ARMC5: variants seen among roughly 807,000 people sequenced by gnomAD.
ARMC5 encodes the protein armadillo repeat-containing protein 5.
Under a neutral mutation model 60.5 loss-of-function variants are expected in ARMC5, and 28 were observed. That is an observed-to-expected ratio of 0.46 (90% CI 0.34 to 0.63). ARMC5 has a LOEUF of 0.63. ARMC5 is among the 30% of genes least tolerant of loss of function. ARMC5 has a pLI of 0.01. For missense variants in ARMC5, 1,189 were observed against 1,304.9 expected, an observed-to-expected ratio of 0.91 and a Z score of 1.37; for synonymous variants, 680 against 607.3, an observed-to-expected ratio of 1.12 and a Z score of -1.76.
Position 31,464,809 on chromosome 16 carries a change from C to G in ARMC5, c.1786C>G (p.Leu596Val). Residue 596 changes from leucine to valine, a missense_variant, in exon 4 of 6, where the codon CTG becomes GTG. By Grantham distance (32) the Leu-to-Val change is conservative. Coordinates refer to ENST00000268314, the MANE Select transcript of ARMC5 (RefSeq NM_001105247.2). The surrounding 1 kb of genome is among the most constrained non-coding windows in gnomAD (Gnocchi z 7.6). ...TGGCGCGGCGCTGCTGCGGGCCTGG[C>G]TGGTGCTGGGGGTGGCGCCTGACGA... ...SYGAALLRAW[L>V]VLGVAPDDWP... The G allele has an allele frequency of 6.3e-7, 1 of 1,597,966 alleles. No homozygotes were observed.
In ARMC5 at chr16:31,466,843, T is replaced by C; in HGVS notation, c.2762T>C (p.Leu921Pro). ...EEAGPLTEAL[L>P]AVVMGIELGA... is the part of the protein sequence containing the mutation. Reference sequence around the variant, plus strand: ...GCAGGGCCCCTGACGGAGGCTTTGCTGGCTGTGGTGATGGGGATTGAGTTG... The same window carrying C: ...GCAGGGCCCCTGACGGAGGCTTTGCCGGCTGTGGTGATGGGGATTGAGTTG... The change falls in exon 6 of 6, where the codon CTG becomes CCG. Residue 921 changes from leucine (L) to proline (P), a missense_variant. By Grantham distance (98) the Leu-to-Pro change is moderately conservative. This residue lies in a region of ARMC5 where 862 missense variants were observed against 1,071.2 expected (regional missense o/e 0.80). Coordinates refer to ENST00000268314, the MANE Select transcript of ARMC5 (RefSeq NM_001105247.2). The surrounding 1 kb of genome is among the most constrained non-coding windows in gnomAD (Gnocchi z 8.0). The C allele has an allele frequency of 6.3e-7, 1 of 1,592,398 alleles. No homozygotes were observed. Among genetic ancestry groups the C allele is most frequent in the Non-Finnish European group, 8.5e-7 (1 of 1,170,400 alleles).
At chr16:31,465,705 C>G in intron 4 of ARMC5, 145 bp from the exon 5 acceptor site, 1 of 1,474,808 alleles carries the variant, frequency 6.8e-7, no homozygotes, top group Non-Finnish European at 8.9e-7. Context: ...TTCCCAGCGT[C>G]CCGAGCCCAG....
chr16:31,465,644 C>T (rs981843424), intron 4 of ARMC5: 13 of 1,415,982 alleles, frequency 9.2e-6, no homozygotes, highest in Non-Finnish European at 9.1e-6. Flanking sequence ...TTCAGGGGCC[C>T]AGACTTACAC....
rs1226994639 is a variant in ARMC5 at position 31,459,915 on chromosome 16, T to G, written c.391T>G (p.Leu131Val). Residue 131 changes from leucine (L) to valine (V), a missense_variant, in exon 1 of 6, where the codon TTG becomes GTG. Coordinates refer to ENST00000268314, the MANE Select transcript of ARMC5 (RefSeq NM_001105247.2). ...AGTGCGCCTGCGCAAGACGCTGGAC[T>G]TGGCGCTCAGCATCCTAGCCGATTG... is the stretch of plus-strand genomic sequence containing the variant. ...PPVRLRKTLD[L>V]ALSILADCCT... The G allele has an allele frequency of 1.2e-6, 2 of 1,606,244 alleles. No individual in the cohort carries two copies. Among genetic ancestry groups the G allele is most frequent in the South Asian group, 1.1e-5 (1 of 91,056 alleles).
chr16:31,459,768 T>C lies in ARMC5; in HGVS notation c.244T>C (p.Ser82Pro), dbSNP rs1188833591. The change falls in exon 1 of 6, where the codon TCC becomes CCC. Residue 82 changes from serine to proline, a missense_variant. Physicochemically the swap from Ser to Pro is moderately conservative, Grantham distance 74. Around this residue, in one of 2 missense-constraint regions of ARMC5, gnomAD observed 327 missense variants for 233.7 expected, o/e 1.40. Coordinates refer to ENST00000268314, the MANE Select transcript of ARMC5 (RefSeq NM_001105247.2). ...GCTACGGCGAGCGGCTGCAGCGGGT[T>C]CCGCCCCGTCCCAGGCAGGCCCCGG... The part of the protein sequence containing the change: ...ALLRRAAAAG[S>P]APSQAGPGSA... 1.9e-6 allele frequency: 3 copies of C among 1,538,930 alleles called. No individual in the cohort carries two copies. The highest frequency in any genetic ancestry group is 2.4e-5 in the South Asian group (2 of 84,858).
At chr16:31,460,097 A>G in intron 1 of ARMC5, 98 bp downstream of exon 1, 4 of 1,320,966 alleles carry the variant, frequency 3.0e-6, no homozygotes, top group Non-Finnish European at 4.2e-6. Flanking sequence ...CTATCCCGGA[A>G]TAACGTGCTT....
intron 4 of ARMC5, 188 bp downstream of exon 4, chr16:31,465,075 T>C (rs2082341773): frequency 6.2e-7 from 1 of 1,613,754 alleles, no homozygotes; most frequent in South Asian, 1.1e-5. Flanking sequence ...ACAGGCAGAG[T>C]TCTGCTGTGT....
chr16:31,465,836 CT>C lies in ARMC5; in HGVS notation c.1865-11del, dbSNP rs1567378407. 1 of 1,608,094 alleles carries C rather than the reference CT, an allele frequency of 6.2e-7. No homozygotes were observed. The highest frequency in any genetic ancestry group is 8.5e-7 in the Non-Finnish European group (1 of 1,179,848). The stretch of plus-strand genomic sequence containing the variant: ...AGACCCCAGTTCCCAGCCTGACAAG[CT>C]TTCCACTCACAGGGGAGAGGCTACT... On this transcript the variant is annotated splice_polypyrimidine_tract_variant and intron_variant, in intron 4 of 5. Coordinates refer to ENST00000268314, the MANE Select transcript of ARMC5 (RefSeq NM_001105247.2).
upstream of ARMC5, chr16:31,459,414 G>A: frequency 6.5e-7 from 1 of 1,538,718 alleles, no homozygotes; most frequent in South Asian, 1.2e-5. Flanking sequence ...CATCACTGCG[G>A]TGGCGCTAAA....
At chr16:31,458,489 A>G (rs1249243932), upstream of ARMC5, 12 of 1,535,630 alleles carry the variant, frequency 7.8e-6, no homozygotes, top group Non-Finnish European at 1.0e-5. Flanking sequence ...CTTCTGCCAT[A>G]ACCCGGACAA....
Position 31,466,776 on chromosome 16 carries a change from G to C in ARMC5, c.2695G>C (p.Gly899Arg), listed in dbSNP as rs750786459. The change falls in exon 6 of 6, where the codon GGT (glycine) becomes CGT (arginine). Residue 899 changes from glycine (G) to arginine (R), a missense_variant. By Grantham distance (125) the Gly-to-Arg change is moderately radical. This residue lies in a region of ARMC5 where 862 missense variants were observed against 1,071.2 expected (regional missense o/e 0.80). Transcript: ENST00000268314. The surrounding 1 kb of genome is among the most constrained non-coding windows in gnomAD (Gnocchi z 8.0). ...LGSEQCPRKRGLALVGLVEAA... is the reference protein window; with the variant it reads ...LGSEQCPRKRRLALVGLVEAA... The stretch of plus-strand genomic sequence containing the variant: ...GTCAGAGCAGTGCCCGAGGAAGCGG[G>C]GTCTGGCCCTGGTGGGGCTTGTGGA... The C allele has an allele frequency of 1.3e-6, 2 of 1,580,746 alleles. No homozygotes were observed. The highest frequency in any genetic ancestry group is 2.7e-5 in the African/African-American group (2 of 73,922).
At position 31,465,852 on chromosome 16, in the gene ARMC5, G is replaced by A. The variant is rs377429069; in HGVS notation, c.1867G>A (p.Glu623Lys). 1.9e-5 allele frequency: 31 copies of A among 1,609,064 alleles called. No homozygotes were observed. The highest frequency in any genetic ancestry group is 2.5e-5 in the Non-Finnish European group (30 of 1,179,862). The change falls in exon 5 of 6, where the codon GAG (glutamate) becomes AAG (lysine). Residue 623 changes from glutamate to lysine, a missense_variant and splice_region_variant. Glu to Lys is a moderately conservative substitution (Grantham distance 56). Around this residue, in one of 2 missense-constraint regions of ARMC5, gnomAD observed 862 missense variants for 1,071.2 expected, o/e 0.80. Transcript: ENST00000268314. ...TLHSRHRELG[E>K]RLLQNLTVQA... ...CCTGACAAGCTTTCCACTCACAGGGGAGAGGCTACTGCAGAACCTGACGGT... is the reference window on the plus strand; with the variant it reads ...CCTGACAAGCTTTCCACTCACAGGGAAGAGGCTACTGCAGAACCTGACGGT...
Position 31,464,422 on chromosome 16 carries a change from A to T in ARMC5, c.1399A>T (p.Thr467Ser). The change falls in exon 4 of 6, where the codon ACA becomes TCA. Residue 467 changes from threonine to serine, a missense_variant. Thr to Ser is a moderately conservative substitution (Grantham distance 58, BLOSUM62 1). This residue lies in a region of ARMC5 where 862 missense variants were observed against 1,071.2 expected (regional missense o/e 0.80). Transcript: ENST00000268314. The surrounding 1 kb of genome is among the most constrained non-coding windows in gnomAD (Gnocchi z 7.6). ...GTGGCTGATCTCCGAGGGCTATGCCACAGGCCCTGATGACATCTCCCCCGA... is the reference window on the plus strand; with the variant it reads ...GTGGCTGATCTCCGAGGGCTATGCCTCAGGCCCTGATGACATCTCCCCCGA... ...RSWLISEGYA[T>S]GPDDISPDWS... The T allele has an allele frequency of 6.5e-7, 1 of 1,548,234 alleles. No homozygotes were observed. The highest frequency in any genetic ancestry group is 1.4e-5 in the African/African-American group (1 of 71,338).
At position 31,462,955 on chromosome 16, in the gene ARMC5, G is replaced by A; in HGVS notation, c.1370+38G>A. On this transcript the variant is annotated intron_variant, in intron 3 of 5. Transcript: ENST00000268314. The surrounding 1 kb of genome is among the most constrained non-coding windows in gnomAD (Gnocchi z 7.2). ...CTCAGGGCTTGGGAGGGTGAGCAGT[G>A]CAGTGATGTGGGGTTTGTGTCTGTC... 6.7e-7 allele frequency: 1 copy of A among 1,491,676 alleles called. No homozygotes were observed. The highest frequency in any genetic ancestry group is 2.1e-4 in the Middle Eastern group (1 of 4,800). 92.4% of individuals were successfully genotyped at this position (1,491,676 alleles called of 1,614,324 possible).
chr16:31,458,787 CGG>C (rs1398102360), upstream of ARMC5: 14 of 1,517,110 alleles, frequency 9.2e-6, no homozygotes, highest in African/African-American at 2.8e-5. Flanking sequence ...CCGCCCCGTC[CGG>C]ATTCTCCCTC....
In ARMC5 at chr16:31,464,324, C is replaced by G. The variant is rs533173193; in HGVS notation, c.1371-70C>G. 4.8e-6 allele frequency: 4 copies of G among 836,348 alleles called. No homozygotes were observed. The African/African-American group carries it at 7.2e-5, about 15-fold the overall frequency. The allele number at this position is 836,348 out of a possible 1,614,324, so 51.8% of individuals were successfully genotyped here. On this transcript the variant is annotated intron_variant, in intron 3 of 5. Transcript: ENST00000268314. This position sits in a 1 kb window ranked among gnomAD's most constrained non-coding sequence, Gnocchi z 7.6. ...AAAAAAAAAAAAAAAAAAGACGCCT[C>G]ACGCCTCTTGGACTCTGCCCCTTAA...
In ARMC5 at chr16:31,461,811, C is replaced by G. The variant is rs140249837; in HGVS notation, c.476-111C>G. The G allele has an allele frequency of 2.1e-3, 2,015 of 946,894 alleles. 28 individuals are homozygous for G. In the African/African-American group the frequency reaches 0.029, roughly 14 times the overall value. The allele number at this position is 946,894 out of a possible 1,614,324, so 58.7% of individuals were successfully genotyped here. A position where few individuals can be genotyped will look rare whatever the true frequency, so the allele number is the denominator to read the frequency against. On this transcript the variant is annotated intron_variant, in intron 1 of 5. Transcript: ENST00000268314. ...GCTTGAGCCACGGTGCCCTGCCGAC[C>G]ATTAGCCTCTTCTGAAAGCCTTCCA...
At position 31,462,471 on chromosome 16, in the gene ARMC5, G is replaced by T; in HGVS notation, c.924G>T (p.Leu308=). 1 of 1,612,454 alleles carries T rather than the reference G, an allele frequency of 6.2e-7. No homozygotes were observed. The highest frequency in any genetic ancestry group is 1.1e-5 in the South Asian group (1 of 91,064). ...GAACCATTCTGATCCTCGCCAACCT[G>T]TGTGCCCAGGGCCTGATTCGGCCTG... is the stretch of plus-strand genomic sequence containing the variant. ...REGTILILAN[L]CAQGLIRPAL... Residue 308 remains leucine (L), a synonymous_variant, in exon 3 of 6, where the codon CTG becomes CTT. Transcript: ENST00000268314. The surrounding 1 kb of genome is among the most constrained non-coding windows in gnomAD (Gnocchi z 7.2).
Position 31,464,322 on chromosome 16 carries a change from C to A in ARMC5, c.1371-72C>A. On this transcript the variant is annotated intron_variant, in intron 3 of 5. Coordinates refer to ENST00000268314, the MANE Select transcript of ARMC5 (RefSeq NM_001105247.2). The surrounding 1 kb of genome is among the most constrained non-coding windows in gnomAD (Gnocchi z 7.6). ...AAAAAAAAAAAAAAAAAAAAGACGCCTCACGCCTCTTGGACTCTGCCCCTT... is the reference window on the plus strand; with the variant it reads ...AAAAAAAAAAAAAAAAAAAAGACGCATCACGCCTCTTGGACTCTGCCCCTT... 2.2e-5 allele frequency: 23 copies of A among 1,028,868 alleles called. No homozygotes were observed. Among genetic ancestry groups the A allele is most frequent in the Non-Finnish European group, 3.1e-5 (23 of 741,368 alleles). The allele number at this position is 1,028,868 out of a possible 1,614,324, so 63.7% of individuals were successfully genotyped here. A position where few individuals can be genotyped will look rare whatever the true frequency, so the allele number is the denominator to read the frequency against.
Sources: allele counts gnomAD v4.1 joint callset, GRCh38; gene constraint gnomAD v4.1.1; regional missense constraint gnomAD v4.1.1; non-coding constraint Gnocchi (gnomAD v3.1); transcripts MANE v1.5; gene names NCBI Gene and HGNC (gene_info 2026-07-23, HGNC 2026-07-21).